The following FAM81B variants were observed in gnomAD, a reference collection of about 807,000 sequenced individuals.
The protein encoded by FAM81B is family with sequence similarity 81 member B.
Under a neutral mutation model 58.7 loss-of-function variants are expected in FAM81B, and 60 were observed. The ratio of observed to expected loss-of-function variants is 1.02; its 90% CI spans 0.83 to 1.27. The LOEUF is 1.27. Ranked by LOEUF, FAM81B falls within the 50% of genes most tolerant of loss-of-function variation. The pLI is 0.00. For synonymous variants in FAM81B, 189 were observed against 179.6 expected (o/e 1.05, Z -0.42); for missense variants, 491 against 522.0 (o/e 0.94, Z 0.58).
intron 3 of FAM81B, among the ~76,000 whole-genome samples, chr5:95,408,647 G>T (rs892489336): frequency 1.3e-5 from 2 of 152,098 alleles, no homozygotes; most frequent in East Asian, 3.9e-4. Flanking sequence ...GGGTAAACTC[G>T]GACAAAAGTT....
intron 3 of FAM81B, among the ~76,000 whole-genome samples, chr5:95,402,254 A>G (rs1056615974): frequency 5.9e-5 from 9 of 152,190 alleles, no homozygotes; most frequent in African/African-American, 2.2e-4. Context: ...TCCATGGTTG[A>G]TTTAGAAAGG....
chr5:95,415,179 G>A (rs1295701190), intron 4 of FAM81B, among the ~76,000 whole-genome samples: 2 of 152,174 alleles, frequency 1.3e-5, no homozygotes, highest in Non-Finnish European at 2.9e-5. Flanking sequence ...GCAGATGTAC[G>A]TGATGAATCT....
At chr5:95,426,295 A>G (rs1762828422) in intron 5 of FAM81B, among the ~76,000 whole-genome samples, 1 of 152,114 alleles carries the variant, frequency 6.6e-6, no homozygotes, top group African/African-American at 2.4e-5. Flanking sequence ...CAGAAACAAT[A>G]AAATCATTCT....
intron 5 of FAM81B, among the ~76,000 whole-genome samples, chr5:95,424,506 A>G (rs1762773722): frequency 6.6e-6 from 1 of 152,168 alleles, no homozygotes; most frequent in Non-Finnish European, 1.5e-5. Context: ...GGCCCTTCCA[A>G]AAGCCCCATT....
chr5:95,392,326 G>A (rs1761845541), intron 1 of FAM81B, among the ~76,000 whole-genome samples: 1 of 152,200 alleles, frequency 6.6e-6, no homozygotes, highest in Admixed American at 6.5e-5. Flanking sequence ...ACACAGGGAG[G>A]GGAACATCAC....
chr5:95,398,684 A>G (rs1395097622), intron 3 of FAM81B, among the ~76,000 whole-genome samples: 1 of 152,226 alleles, frequency 6.6e-6, no homozygotes, highest in Admixed American at 6.5e-5. Flanking sequence ...GAGCTATCTA[A>G]TAATGCGTTT....
At chr5:95,411,357 C>T (rs2152763040) in intron 3 of FAM81B, among the ~76,000 whole-genome samples, 3 of 151,206 alleles carry the variant, frequency 2.0e-5, no homozygotes, top group Middle Eastern at 6.8e-3. Flanking sequence ...CATTTCTTCA[C>T]ATTTATAAAA....
intron 3 of FAM81B, among the ~76,000 whole-genome samples, chr5:95,404,606 G>C (rs971296045): frequency 2.0e-5 from 3 of 151,584 alleles, no homozygotes; most frequent in Non-Finnish European, 4.4e-5. Context: ...TGACTTTATG[G>C]AGCCACTTTT....
chr5:95,393,773 A>C (rs1427203978), intron 2 of FAM81B, among the ~76,000 whole-genome samples: 1 of 152,252 alleles, frequency 6.6e-6, no homozygotes, highest in East Asian at 1.9e-4. Context: ...ATTCATGTCA[A>C]ATAAAATTAT....
intron 7 of FAM81B, among the ~76,000 whole-genome samples, chr5:95,438,615 C>T (rs1745194176): frequency 6.6e-6 from 1 of 152,024 alleles, no homozygotes; most frequent in Admixed American, 6.6e-5. Flanking sequence ...CTTTTTCTCA[C>T]TTTAAATAAT....
intron 3 of FAM81B, among the ~76,000 whole-genome samples, chr5:95,412,324 A>G (rs1170528037): frequency 6.6e-6 from 1 of 152,194 alleles, no homozygotes; most frequent in Non-Finnish European, 1.5e-5. Flanking sequence ...ACAGAAATTC[A>G]TTCCACATGC....
chr5:95,441,355 G>T (rs1157322059), intron 7 of FAM81B, among the ~76,000 whole-genome samples: 2 of 152,102 alleles, frequency 1.3e-5, no homozygotes, highest in Non-Finnish European at 2.9e-5. Context: ...CAGATCACGA[G>T]ATCAAGAGAT....
rs533424071 is a variant in FAM81B, at chr5:95,393,782, A to G, written c.228+885A>G. Among the ~76,000 whole-genome samples, 6 of 152,348 alleles carry G rather than the reference A, an allele frequency of 3.9e-5. No homozygotes were observed. In the South Asian group the frequency reaches 1.2e-3, roughly 32 times the overall value. On this transcript the variant is annotated intron_variant, in intron 2 of 9. Transcript: ENST00000283357. Reference sequence around the variant, plus strand: ...TAGGGCATTCATGTCAAATAAAATTATGTCATATACAAGAACGTATTTCAT... The same window carrying G: ...TAGGGCATTCATGTCAAATAAAATTGTGTCATATACAAGAACGTATTTCAT...
chr5:95,434,889 G>A (rs1194190479), intron 6 of FAM81B, among the ~76,000 whole-genome samples: 3 of 152,210 alleles, frequency 2.0e-5, no homozygotes, highest in Non-Finnish European at 2.9e-5. Flanking sequence ...ACTTGTGTTA[G>A]TCCAGATCCT....
intron 3 of FAM81B, among the ~76,000 whole-genome samples, chr5:95,413,228 A>G (rs889781775): frequency 2.6e-5 from 4 of 152,296 alleles, no homozygotes; most frequent in African/African-American, 9.6e-5. Flanking sequence ...TTGAGAATAG[A>G]TCTTTCTCAC....
intron 8 of FAM81B, among the ~76,000 whole-genome samples, chr5:95,446,951 T>TAA (rs562369898): frequency 9.7e-5 from 14 of 144,940 alleles, no homozygotes; most frequent in South Asian, 6.6e-4. Flanking sequence ...TTTTTTTTTT[T>TAA]AAAAAAAAAA....
chr5:95,403,603 A>T (rs1762168810), intron 3 of FAM81B, among the ~76,000 whole-genome samples: 1 of 152,216 alleles, frequency 6.6e-6, no homozygotes. Flanking sequence ...TAGCTTCAGA[A>T]CATCATTAAG....
intron 6 of FAM81B, among the ~76,000 whole-genome samples, chr5:95,435,925 C>A (rs1745079638): frequency 6.6e-6 from 1 of 152,078 alleles, no homozygotes; most frequent in Admixed American, 6.5e-5. Context: ...TGTTGGTTGC[C>A]CACCCAACAC....
chr5:95,408,826 G>A (rs1762333635), intron 3 of FAM81B, among the ~76,000 whole-genome samples: 1 of 152,192 alleles, frequency 6.6e-6, no homozygotes, highest in African/African-American at 2.4e-5. Flanking sequence ...TATTTATAAA[G>A]TGCAGGAGTA....
Sources: allele counts gnomAD v4.1 joint callset (sites outside exome capture counted in the v4.1 genomes callset), GRCh38; gene constraint gnomAD v4.1.1; transcripts MANE v1.5; gene names NCBI Gene and HGNC (gene_info 2026-07-23, HGNC 2026-07-21).